Variants in MYO1B observed in about 807,000 individuals in gnomAD.
The protein encoded by MYO1B is myosin IB.
Under a neutral mutation model 159.7 loss-of-function variants are expected in MYO1B, and 72 were observed. That is an observed-to-expected ratio of 0.45 (90% CI 0.37 to 0.55). MYO1B has a LOEUF of 0.55. Among genes scored for constraint, MYO1B ranks in the 20% least tolerant of loss-of-function variants. MYO1B has a pLI of 0.00. For synonymous variants in MYO1B, 468 were observed against 473.8 expected (o/e 0.99, Z 0.16); for missense variants, 1,062 against 1,364.8 (o/e 0.78, Z 3.50).
intron 2 of MYO1B, among the ~76,000 whole-genome samples, chr2:191,281,958 A>G (rs1471742892): frequency 6.6e-6 from 1 of 152,184 alleles, no homozygotes; most frequent in Non-Finnish European, 1.5e-5. Flanking sequence ...AAGTTATAGA[A>G]GTTAATACTA....
intron 29 of MYO1B, among the ~76,000 whole-genome samples, chr2:191,415,575 G>A (rs920793633): frequency 1.3e-5 from 2 of 150,952 alleles, no homozygotes; most frequent in Admixed American, 6.6e-5. Flanking sequence ...GGGGGCACAA[G>A]CATCATGTTT....
At chr2:191,399,702 A>G (rs1256981012) in intron 21 of MYO1B, among the ~76,000 whole-genome samples, 2 of 152,166 alleles carry the variant, frequency 1.3e-5, no homozygotes, top group African/African-American at 4.8e-5. Context: ...CAGGCCCTCG[A>G]CAACTTAAGG....
intron 1 of MYO1B, chr2:191,247,903 A>T: frequency 1.0e-6 from 1 of 983,026 alleles, no homozygotes; most frequent in Non-Finnish European, 1.2e-6. Flanking sequence ...AGGATGAATC[A>T]TCACTTTGTC....
At chr2:191,307,252 G>A (rs980158100) in intron 3 of MYO1B, among the ~76,000 whole-genome samples, 6 of 151,582 alleles carry the variant, frequency 4.0e-5, no homozygotes, top group African/African-American at 1.2e-4. Context: ...TTTAGACCAC[G>A]TAGAGTAACT....
At chr2:191,284,149 C>G (rs1333502314) in intron 2 of MYO1B, among the ~76,000 whole-genome samples, 1 of 152,164 alleles carries the variant, frequency 6.6e-6, no homozygotes, top group Non-Finnish European at 1.5e-5. Context: ...TGGCTCTTCA[C>G]CTTTATGAGC....
chr2:191,419,245 G>A (rs1697776602), intron 30 of MYO1B, among the ~76,000 whole-genome samples: 1 of 151,418 alleles, frequency 6.6e-6, no homozygotes, highest in Non-Finnish European at 1.5e-5. Context: ...TTGAGACTCA[G>A]TCTTGCACTG....
chr2:191,349,633 CA>C (rs1692786274), intron 6 of MYO1B, among the ~76,000 whole-genome samples: 1 of 152,038 alleles, frequency 6.6e-6, no homozygotes. Flanking sequence ...GGTGAAAAGC[CA>C]AAAACAGTAA....
intron 6 of MYO1B, 96 bp from the exon 7 acceptor site, chr2:191,350,066 T>C: frequency 1.1e-6 from 1 of 935,202 alleles, no homozygotes; most frequent in Non-Finnish European, 1.7e-6. Flanking sequence ...TAAACAAATG[T>C]ATAAAAATAA....
rs148241500 is a variant in MYO1B at position 191,307,014 on chromosome 2, A to C, written c.251+10788A>C. On this transcript the variant is annotated intron_variant, in intron 3 of 30. Transcript: ENST00000392318. Reference sequence around the variant, plus strand: ...AGAGTTCTTGGATCTTGTGCAAGAAATAATTCGAGGTGAATCCACAGAGTA... The same window carrying C: ...AGAGTTCTTGGATCTTGTGCAAGAACTAATTCGAGGTGAATCCACAGAGTA... Among the ~76,000 whole-genome samples the C allele has an allele frequency of 6.1e-4, 93 of 152,334 alleles. 1 individual carries two copies. The East Asian group carries it at 0.013, about 21-fold the overall frequency.
In MYO1B at chr2:191,390,400, A is replaced by T. The variant is rs781723859; in HGVS notation, c.1890A>T (p.Ala630=). 1 of 1,614,270 alleles carries T rather than the reference A, an allele frequency of 6.2e-7. No individual in the cohort carries two copies. The highest frequency in any genetic ancestry group is 1.1e-5 in the South Asian group (1 of 91,088). ...TGGAGAACGTCCGAGTGCGGAGGGCAGGCTACGCCTTCAGGCAGGCCTATG... is the reference window on the plus strand; with the variant it reads ...TGGAGAACGTCCGAGTGCGGAGGGCTGGCTACGCCTTCAGGCAGGCCTATG... The part of the protein sequence containing the change: ...GLLENVRVRR[A]GYAFRQAYEP... Residue 630 remains alanine, a synonymous_variant, in exon 18 of 31, where the codon GCA becomes GCT. Coordinates refer to ENST00000392318, the MANE Select transcript of MYO1B (RefSeq NM_001130158.3).
chr2:191,393,028 G>A (rs756042741), intron 19 of MYO1B, 45 bp from the exon 20 acceptor site: 1 of 1,575,156 alleles, frequency 6.3e-7, no homozygotes, highest in South Asian at 1.1e-5. Context: ...TATGCTGTGA[G>A]GTTTCAGAGG....
chr2:191,255,324 A>G (rs1177786090), intron 1 of MYO1B, among the ~76,000 whole-genome samples: 1 of 152,230 alleles, frequency 6.6e-6, no homozygotes, highest in Non-Finnish European at 1.5e-5. Flanking sequence ...ACGGATAAAT[A>G]TGTATTCGTG....
At chr2:191,393,590 G>T (rs1695895416) in intron 20 of MYO1B, among the ~76,000 whole-genome samples, 1 of 152,154 alleles carries the variant, frequency 6.6e-6, no homozygotes, top group Admixed American at 6.5e-5. Flanking sequence ...ATTTGGTTGG[G>T]CTAGTTTTTC....
chr2:191,418,120 AG>A (rs1230700150), intron 30 of MYO1B, among the ~76,000 whole-genome samples: 4 of 152,222 alleles, frequency 2.6e-5, no homozygotes, highest in Non-Finnish European at 4.4e-5. Context: ...AAAATAAAAC[AG>A]TTCATAGGAC....
In MYO1B at chr2:191,372,452, G is replaced by C. The variant is rs1001365141; in HGVS notation, c.1185+2160G>C. 1.4e-3 allele frequency among the ~76,000 whole-genome samples: 215 copies of C among 152,178 alleles called. 1 individual carries two copies. Among genetic ancestry groups the C allele is most frequent in the African/African-American group, 4.5e-3 (185 of 41,510 alleles). On this transcript the variant is annotated intron_variant, in intron 13 of 30. Transcript: ENST00000392318. Reference sequence around the variant, plus strand: ...CTGAGTTATAACTCATAAACAATTCGAGTCATTTCTCAAGTGTTTATTGAG... The same window carrying C: ...CTGAGTTATAACTCATAAACAATTCCAGTCATTTCTCAAGTGTTTATTGAG...
intron 17 of MYO1B, among the ~76,000 whole-genome samples, chr2:191,389,636 C>T (rs927533015): frequency 6.6e-6 from 1 of 152,178 alleles, no homozygotes; most frequent in African/African-American, 2.4e-5. Flanking sequence ...CTCACCTGGC[C>T]ACATCTACTT....
At chr2:191,293,730 A>G (rs965701103) in intron 2 of MYO1B, among the ~76,000 whole-genome samples, 4 of 152,096 alleles carry the variant, frequency 2.6e-5, no homozygotes, top group Admixed American at 6.5e-5. Context: ...TTTTATCAGC[A>G]TCGTCTTTAT....
intron 30 of MYO1B, among the ~76,000 whole-genome samples, chr2:191,423,159 T>A (rs1020929551): frequency 2.0e-5 from 3 of 152,200 alleles, no homozygotes; most frequent in African/African-American, 7.2e-5. Flanking sequence ...ACTAGGTGAT[T>A]TTGTGCAAAC....
intron 21 of MYO1B, among the ~76,000 whole-genome samples, chr2:191,398,402 G>A (rs1449034658): frequency 1.2e-4 from 11 of 92,980 alleles, no homozygotes; most frequent in Non-Finnish European, 2.1e-4. Context: ...CGGACGGGGC[G>A]GCTGGCCGGG....
Sources: allele counts gnomAD v4.1 joint callset (sites outside exome capture counted in the v4.1 genomes callset), GRCh38; gene constraint gnomAD v4.1.1; transcripts MANE v1.5; gene names NCBI Gene and HGNC (gene_info 2026-07-23, HGNC 2026-07-21).